The following DAB2IP variants were observed in gnomAD, a reference collection of about 807,000 sequenced individuals.
DAB2IP encodes disabled homolog 2-interacting protein.
DAB2IP carries 28 observed loss-of-function variants against 107.2 expected under a neutral mutation model. The observed-to-expected ratio is 0.26, with a 90% CI of 0.19 to 0.36. The LOEUF (loss-of-function observed/expected upper bound fraction) is 0.36. Ranked by LOEUF, DAB2IP falls within the 10% of genes least tolerant of loss-of-function variation. The probability of loss-of-function intolerance (pLI) is 1.00; values close to 1 mark genes in which losing one functional copy is unlikely to be tolerated. For missense variants in DAB2IP, 1,400 were observed against 1,644.7 expected, an observed-to-expected ratio of 0.85 and a Z score of 2.57; for synonymous variants, 755 against 706.4, an observed-to-expected ratio of 1.07 and a Z score of -1.09.
Position 121,772,658 on chromosome 9 carries a change from G to GT in DAB2IP, c.2136dup (p.Val713CysfsTer24). ...CTCCAACCCCCGAAAACAAGGACTT[G>GT]TTTTTTGTCACAAGGTCCTCCGGGG... On this transcript the variant is annotated frameshift_variant, in exon 12 of 16. Transcript: ENST00000408936. LOFTEE classifies it high-confidence loss of function. This position sits in a 1 kb window ranked among gnomAD's most constrained non-coding sequence, Gnocchi z 4.7. 6.2e-7 allele frequency: 1 copy of GT among 1,614,090 alleles called. No individual in the cohort carries two copies. Among genetic ancestry groups the GT allele is most frequent in the Non-Finnish European group, 8.5e-7 (1 of 1,179,984 alleles).
exon 8 of DAB2IP, chr9:121,763,876 A>G: frequency 6.2e-7 from 1 of 1,613,948 alleles, no homozygotes; most frequent in Non-Finnish European, 8.5e-7. Flanking sequence ...ATCAACTCCT[A>G]CTGGTCAGTG....
chr9:121,567,245 A>G, intron 1 of DAB2IP: 2 of 1,613,976 alleles, frequency 1.2e-6, no homozygotes, highest in Non-Finnish European at 1.7e-6. Flanking sequence ...CGGTGCCAGC[A>G]AAGTGCAGAG....
At chr9:121,652,508 C>CTGCG (rs1178191010) in intron 1 of DAB2IP, among the ~76,000 whole-genome samples, 1 of 152,102 alleles carries the variant, frequency 6.6e-6, no homozygotes, top group East Asian at 1.9e-4. Flanking sequence ...ATCCCGGGGG[C>CTGCG]TGCGTTTGGG....
rs563179339 is a variant in DAB2IP, at chr9:121,608,016, C to T, written c.40+40788C>T. 3.9e-5 allele frequency among the ~76,000 whole-genome samples: 6 copies of T among 152,338 alleles called. No homozygotes were observed. In the South Asian group the frequency reaches 6.2e-4, roughly 16 times the overall value. On this transcript the variant is annotated intron_variant, in intron 1 of 16. Transcript: ENST00000259371. ...AACGCAATCAAAGCTGGCGCTGCTT[C>T]CGGGAGGAGAGAATTCCCAAAAGGC...
intron 3 of DAB2IP, among the ~76,000 whole-genome samples, chr9:121,711,400 A>C (rs533855972): frequency 3.4e-4 from 52 of 152,256 alleles, no homozygotes; most frequent in African/African-American, 1.3e-3. Flanking sequence ...TTGCTTCCTC[A>C]TTCTTGGGAA....
intron 1 of DAB2IP, among the ~76,000 whole-genome samples, chr9:121,629,416 G>A (rs1461368891): frequency 6.6e-6 from 1 of 152,134 alleles, no homozygotes; most frequent in Non-Finnish European, 1.5e-5. Context: ...CATTGGGTGT[G>A]TCCTCATGGC....
At chr9:121,655,762 C>T (rs1318592704) in intron 1 of DAB2IP, among the ~76,000 whole-genome samples, 1 of 152,110 alleles carries the variant, frequency 6.6e-6, no homozygotes, top group East Asian at 1.9e-4. Context: ...TTCATGTTTT[C>T]ATCTGAGTTT....
chr9:121,651,563 C>T (rs1022783894), upstream of DAB2IP: 16 of 761,924 alleles, frequency 2.1e-5, no homozygotes, highest in Non-Finnish European at 2.6e-5. This position sits in a 1 kb window ranked among gnomAD's most constrained non-coding sequence, Gnocchi z 5.1. Flanking sequence ...GCCTCCGGGT[C>T]CCCAGCCCCC....
At position 121,772,884 on chromosome 9, in the gene DAB2IP, C is replaced by T. The variant is rs1453152132; in HGVS notation, c.2356C>T (p.Pro786Ser). The change falls in exon 12 of 16, where the codon CCG (proline) becomes TCG (serine). Residue 786 changes from proline (P) to serine (S), a missense_variant. By Grantham distance (74) the Pro-to-Ser change is moderately conservative (BLOSUM62 -1). This residue lies in a region of DAB2IP where 600 missense variants were observed against 659.1 expected (regional missense o/e 0.91). Transcript: ENST00000408936. This position sits in a 1 kb window ranked among gnomAD's most constrained non-coding sequence, Gnocchi z 4.7. ...TGCAGCTCAGCTGGTGGCCGGGTGGCCGGCCCGGGCAACCCCAGTGAACCT... is the reference window on the plus strand; with the variant it reads ...TGCAGCTCAGCTGGTGGCCGGGTGGTCGGCCCGGGCAACCCCAGTGAACCT... The T allele has an allele frequency of 1.3e-6, 2 of 1,577,478 alleles. No individual in the cohort carries two copies. The highest frequency in any genetic ancestry group is 3.4e-4 in the Middle Eastern group (2 of 5,896).
chr9:121,598,261 C>G (rs1299745424), intron 1 of DAB2IP: 1 of 152,312 alleles, frequency 6.6e-6, no homozygotes, highest in Non-Finnish European at 1.5e-5. Context: ...GGCCCGTCCC[C>G]AGCGGCCGAA....
chr9:121,775,499 C>T (rs1162492222), intron 13 of DAB2IP, among the ~76,000 whole-genome samples: 3 of 152,208 alleles, frequency 2.0e-5, no homozygotes, highest in Admixed American at 1.3e-4. Flanking sequence ...GTCCTCATGG[C>T]GTCTGGCCCC....
intron 3 of DAB2IP, chr9:121,743,016 G>A: frequency 1.0e-6 from 1 of 983,954 alleles, no homozygotes; most frequent in Non-Finnish European, 1.2e-6. Context: ...AGGTGGGATG[G>A]AGCAGTCAGG....
chr9:121,621,984 C>CTTTTTTTTTTTTTTTT (rs1202929145), intron 1 of DAB2IP, among the ~76,000 whole-genome samples: 25 of 99,716 alleles, frequency 2.5e-4, no homozygotes, highest in South Asian at 6.7e-4. Flanking sequence ...TTTTTTCTTT[C>CTTTTTTTTTTTTTTTT]TTTTTTTTTT....
intron 3 of DAB2IP, among the ~76,000 whole-genome samples, chr9:121,744,853 G>T (rs1184339229): frequency 6.6e-6 from 1 of 152,202 alleles, no homozygotes; most frequent in Non-Finnish European, 1.5e-5. Context: ...GCTTTGTGGA[G>T]GTGGTGGCCT....
intron 11 of DAB2IP, 59 bp downstream of exon 11, chr9:121,770,783 A>G: frequency 1.3e-6 from 2 of 1,580,736 alleles, no homozygotes; most frequent in Non-Finnish European, 1.7e-6. Flanking sequence ...GGCACAGCCC[A>G]TCTGTAATCT....
intron 3 of DAB2IP, among the ~76,000 whole-genome samples, chr9:121,722,822 G>C (rs547804583): frequency 9.9e-5 from 15 of 152,244 alleles, no homozygotes; most frequent in African/African-American, 3.6e-4. Context: ...AACAAGATAA[G>C]TTAAAAAAAT....
At chr9:121,645,935 C>G (rs71509573) in intron 1 of DAB2IP, among the ~76,000 whole-genome samples, 25 of 152,148 alleles carry the variant, frequency 1.6e-4, no homozygotes, top group Non-Finnish European at 3.1e-4. Flanking sequence ...ACAGAGCTGT[C>G]TCATCTCCAT....
chr9:121,759,892 G>C, exon 6 of DAB2IP: 1 of 1,612,682 alleles, frequency 6.2e-7, no homozygotes. Context: ...CAGGACAACA[G>C]CCGGCGTGTG....
intron 6 of DAB2IP, among the ~76,000 whole-genome samples, chr9:121,762,772 G>T (rs531705611): frequency 1.3e-5 from 2 of 152,224 alleles, no homozygotes; most frequent in Non-Finnish European, 2.9e-5. Flanking sequence ...GGAGGTGGGG[G>T]CTTCTGAGGG....
Sources: gnomAD v4.1 joint callset for allele counts (sites outside exome capture counted in the v4.1 genomes callset) on GRCh38, gnomAD v4.1.1 for gene constraint, gnomAD v4.1.1 regional missense constraint, Gnocchi (gnomAD v3.1) non-coding constraint, MANE v1.5 for transcripts, NCBI Gene and HGNC (gene_info 2026-07-23, HGNC 2026-07-21) for gene names.